The following KCNQ2 variants were observed in gnomAD, a reference collection of about 807,000 sequenced individuals.
The protein encoded by KCNQ2 is potassium voltage-gated channel subfamily Q member 2.
In KCNQ2, 14 loss-of-function variants were observed where a neutral mutation model predicts 84.8. That is an observed-to-expected ratio of 0.17 (90% confidence interval 0.11 to 0.26). KCNQ2 has a LOEUF of 0.26. Ranked by LOEUF, KCNQ2 falls within the 10% of genes least tolerant of loss-of-function variation. The probability of loss-of-function intolerance (pLI) is 1.00; values close to 1 mark genes in which losing one functional copy is unlikely to be tolerated. For synonymous variants in KCNQ2, 599 were observed against 554.1 expected, an observed-to-expected ratio of 1.08 and a Z score of -1.14; for missense variants, 788 against 1,254.0, an observed-to-expected ratio of 0.63 and a Z score of 5.61.
At chr20:63,427,241 A>G (rs946354995) in intron 10 of KCNQ2, among the ~76,000 whole-genome samples, 2 of 152,208 alleles carry the variant, frequency 1.3e-5, no homozygotes, top group Non-Finnish European at 2.9e-5. Flanking sequence ...ATAATAAATA[A>G]AATAATAAAG....
chr20:63,436,648 C>A (rs910869524), intron 7 of KCNQ2, among the ~76,000 whole-genome samples: 4 of 152,112 alleles, frequency 2.6e-5, no homozygotes, highest in Non-Finnish European at 2.9e-5. Flanking sequence ...TCGCAGAAGG[C>A]TCAGGTGATT....
At chr20:63,428,082 G>A (rs997460358) in intron 10 of KCNQ2, among the ~76,000 whole-genome samples, 10 of 152,180 alleles carry the variant, frequency 6.6e-5, no homozygotes, top group South Asian at 2.1e-4. Context: ...CGACCCACGC[G>A]CCTGGGCCCC....
At position 63,445,221 on chromosome 20, in the gene KCNQ2, C is replaced by G; in HGVS notation, c.514+17G>C. 1 of 1,613,868 alleles carries G rather than the reference C, an allele frequency of 6.2e-7. No homozygotes were observed. The highest frequency in any genetic ancestry group is 1.1e-5 in the South Asian group (1 of 91,086). On this transcript the variant is annotated intron_variant, in intron 3 of 16. Transcript: ENST00000359125. ...CCTGGCCCTGATTCTAGCAATACCACCCCCACCAGGCCTCACCAATCACAC... is the reference window on the plus strand; with the variant it reads ...CCTGGCCCTGATTCTAGCAATACCAGCCCCACCAGGCCTCACCAATCACAC...
rs2079795568 is a variant in KCNQ2 at position 63,400,875 on chromosome 20, A to T, written c.*5769T>A. 1 of 398,358 alleles carries T rather than the reference A, an allele frequency of 2.5e-6. No homozygotes were observed. The highest frequency in any genetic ancestry group is 2.1e-5 in the African/African-American group (1 of 48,744). 24.7% of individuals were successfully genotyped at this position (398,358 alleles called of 1,614,324 possible). ...CCCCTCGCCCGCCCCACCTGTTCGCAGGGTCCAGGGCGTCCGTACCTGGCA... is the reference window on the plus strand; with the variant it reads ...CCCCTCGCCCGCCCCACCTGTTCGCTGGGTCCAGGGCGTCCGTACCTGGCA... On this transcript the variant is annotated 3_prime_UTR_variant, in exon 17 of 17. Transcript: ENST00000359125. This position sits in a 1 kb window ranked among gnomAD's most constrained non-coding sequence, Gnocchi z 8.7.
rs1264347429 is a variant in KCNQ2, at chr20:63,433,984, G to A, written c.1024-81C>T. On this transcript the variant is annotated intron_variant, in intron 7 of 16. Coordinates refer to ENST00000359125, the MANE Select transcript of KCNQ2 (RefSeq NM_172107.4). Reference sequence around the variant, plus strand: ...AGGAGGGCCGGGCGTGGAGGGAACGGGGCAGAGGGGACCCCCATGCTGTAG... The same window carrying A: ...AGGAGGGCCGGGCGTGGAGGGAACGAGGCAGAGGGGACCCCCATGCTGTAG... 4.9e-6 allele frequency: 6 copies of A among 1,235,090 alleles called. No individual in the cohort carries two copies. In the East Asian group the frequency reaches 1.4e-4, roughly 29 times the overall value. The allele number at this position is 1,235,090 out of a possible 1,614,324, so 76.5% of individuals were successfully genotyped here. A position where few individuals can be genotyped will look rare whatever the true frequency, so the allele number is the denominator to read the frequency against.
chr20:63,444,531 G>A (rs2145773850), intron 4 of KCNQ2, 128 bp downstream of exon 4: 1 of 684,378 alleles, frequency 1.5e-6, no homozygotes, highest in East Asian at 3.2e-5. Flanking sequence ...TCCAGCCAGA[G>A]CCACCACTGA....
intron 7 of KCNQ2, among the ~76,000 whole-genome samples, chr20:63,436,419 T>TA (rs2081007805): frequency 6.6e-6 from 1 of 151,864 alleles, no homozygotes. Context: ...TAGTCCCAGC[T>TA]ACCTGGGAGG....
Position 63,446,925 on chromosome 20 carries a change from C to T in KCNQ2, c.297-88G>A, listed in dbSNP as rs1314576002. On this transcript the variant is annotated intron_variant, in intron 1 of 16. Transcript: ENST00000359125. This position sits in a 1 kb window ranked among gnomAD's most constrained non-coding sequence, Gnocchi z 5.5. ...CCAGAACTCAGGACCCCACTCCCCACCAGGCCGCAGCAGGGCACCAGCATG... is the reference window on the plus strand; with the variant it reads ...CCAGAACTCAGGACCCCACTCCCCATCAGGCCGCAGCAGGGCACCAGCATG... 8.6e-6 allele frequency: 10 copies of T among 1,168,434 alleles called. No individual in the cohort carries two copies. The highest frequency in any genetic ancestry group is 1.5e-5 in the African/African-American group (1 of 65,918). 72.4% of individuals were successfully genotyped at this position (1,168,434 alleles called of 1,614,324 possible). A position where few individuals can be genotyped will look rare whatever the true frequency, so the allele number is the denominator to read the frequency against.
intron 2 of KCNQ2, 181 bp from the exon 3 acceptor site, chr20:63,445,545 C>T: frequency 1.6e-6 from 1 of 615,652 alleles, no homozygotes; most frequent in Non-Finnish European, 2.8e-6. Flanking sequence ...GGGTTGGGCC[C>T]TCTGGAGACC....
chr20:63,464,121 G>C (rs971387790), intron 1 of KCNQ2, among the ~76,000 whole-genome samples: 38 of 152,216 alleles, frequency 2.5e-4, no homozygotes, highest in African/African-American at 8.7e-4. Flanking sequence ...TCCAGAGCAC[G>C]TCTGGAAAAC....
chr20:63,443,421 CCATCAT>C (rs1568937826), intron 4 of KCNQ2, among the ~76,000 whole-genome samples: 1 of 34,076 alleles, frequency 2.9e-5, no homozygotes, highest in Non-Finnish European at 8.4e-5. Context: ...ACCATCACCA[CCATCAT>C]CACCATCACC....
chr20:63,439,881 C>T, intron 5 of KCNQ2, 173 bp from the exon 6 acceptor site: 2 of 667,470 alleles, frequency 3.0e-6, no homozygotes, highest in South Asian at 1.6e-5. Context: ...GCCCCTCATC[C>T]CCTGAGCCCT....
At chr20:63,458,112 G>A (rs1162505203) in intron 1 of KCNQ2, among the ~76,000 whole-genome samples, 2 of 150,884 alleles carry the variant, frequency 1.3e-5, no homozygotes, top group Admixed American at 1.3e-4. Context: ...CAACCTCCCT[G>A]GGCTCGCAGC....
intron 7 of KCNQ2, among the ~76,000 whole-genome samples, chr20:63,435,731 A>G (rs898605076): frequency 2.6e-5 from 4 of 152,256 alleles, no homozygotes; most frequent in African/African-American, 9.6e-5. Context: ...ACACTGGCCC[A>G]GCAGCGGCAT....
chr20:63,433,682 T>C, intron 8 of KCNQ2, 127 bp downstream of exon 8: 2 of 1,563,476 alleles, frequency 1.3e-6, no homozygotes, highest in Non-Finnish European at 1.8e-6. Flanking sequence ...CAGAACTCCT[T>C]TGTGAAAAAT....
Position 63,446,599 on chromosome 20 carries a change from G to A in KCNQ2, c.387+148C>T. On this transcript the variant is annotated intron_variant, in intron 2 of 16. Coordinates refer to ENST00000359125, the MANE Select transcript of KCNQ2 (RefSeq NM_172107.4). This position sits in a 1 kb window ranked among gnomAD's most constrained non-coding sequence, Gnocchi z 5.5. ...AGCCCGGGCTGTGGGGCTGGGGGCA[G>A]ATGGGAACTGACAGGGCACAAAGAC... The A allele has an allele frequency of 1.4e-6, 1 of 706,208 alleles. No individual in the cohort carries two copies. The highest frequency in any genetic ancestry group is 2.5e-6 in the Non-Finnish European group (1 of 399,886). 43.7% of individuals were successfully genotyped at this position (706,208 alleles called of 1,614,324 possible).
In KCNQ2 at chr20:63,422,850, G is replaced by T. The variant is rs1049164488; in HGVS notation, c.1247+1327C>A. ...GCCGTGAGGCACGGGGCGGGTTCCG[G>T]CGTCGCTCCCAGCAAGGGCGTGGGG... On this transcript the variant is annotated intron_variant, in intron 11 of 16. Coordinates refer to ENST00000359125, the MANE Select transcript of KCNQ2 (RefSeq NM_172107.4). 3 of 152,296 alleles carry T rather than the reference G, an allele frequency of 2.0e-5. No individual in the cohort carries two copies. In the East Asian group the frequency reaches 5.8e-4, roughly 29 times the overall value. 9.4% of individuals were successfully genotyped at this position (152,296 alleles called of 1,614,324 possible). A position where few individuals can be genotyped will look rare whatever the true frequency, so the allele number is the denominator to read the frequency against.
chr20:63,421,370 C>T (rs548562604), intron 11 of KCNQ2, among the ~76,000 whole-genome samples: 2 of 152,328 alleles, frequency 1.3e-5, no homozygotes, highest in African/African-American at 2.4e-5. Flanking sequence ...TATGGGGCAA[C>T]GTGGTCTGAG....
chr20:63,471,268 G>GGCCGCACA (rs2082207450), intron 1 of KCNQ2: 1 of 152,280 alleles, frequency 6.6e-6, no homozygotes, highest in South Asian at 2.1e-4. Flanking sequence ...TGTGCACACC[G>GGCCGCACA]GCCGCACAGG....
Sources: gnomAD v4.1 joint callset for allele counts (sites outside exome capture counted in the v4.1 genomes callset) on GRCh38, gnomAD v4.1.1 for gene constraint, Gnocchi (gnomAD v3.1) non-coding constraint, MANE v1.5 for transcripts, NCBI Gene and HGNC (gene_info 2026-07-23, HGNC 2026-07-21) for gene names.